Variants in ATP10A observed in about 807,000 individuals in gnomAD.
The protein encoded by ATP10A is ATPase phospholipid transporting 10A (putative).
Under a neutral mutation model 147.8 loss-of-function variants are expected in ATP10A, and 111 were observed. The observed-to-expected ratio is 0.75, with a 90% CI of 0.64 to 0.88. ATP10A has a LOEUF of 0.88. Ranked by LOEUF, ATP10A falls within the 40% of genes least tolerant of loss-of-function variation. The pLI, the probability that ATP10A is intolerant of heterozygous loss-of-function variation, is 0.00. For synonymous variants in ATP10A, 875 were observed against 841.6 expected (o/e 1.04, Z -0.69); for missense variants, 1,927 against 1,959.0 (o/e 0.98, Z 0.31).
intron 1 of ATP10A, among the ~76,000 whole-genome samples, chr15:25,818,076 T>C (rs1891739868): frequency 6.7e-6 from 1 of 149,366 alleles, no homozygotes; most frequent in African/African-American, 2.5e-5. Flanking sequence ...TTTTAAAAAA[T>C]TATTTTTAAA....
At chr15:25,852,454 A>G (rs1043469922) in intron 1 of ATP10A, among the ~76,000 whole-genome samples, 3 of 152,072 alleles carry the variant, frequency 2.0e-5, no homozygotes, top group African/African-American at 7.2e-5. Flanking sequence ...ATCGCAAAAT[A>G]TGGCACTTTG....
At chr15:25,786,792 G>GTTTTTTT (rs60057456) in intron 1 of ATP10A, among the ~76,000 whole-genome samples, 4 of 135,298 alleles carry the variant, frequency 3.0e-5, no homozygotes, top group African/African-American at 2.7e-5. Flanking sequence ...TGCCCAGCTA[G>GTTTTTTT]TTTTTTTTTT....
At chr15:25,719,749 A>G (rs1278681449) in intron 7 of ATP10A, among the ~76,000 whole-genome samples, 2 of 152,126 alleles carry the variant, frequency 1.3e-5, no homozygotes, top group Non-Finnish European at 2.9e-5. Context: ...AGGAGCAGGT[A>G]ATGCCCCCTC....
At chr15:25,704,872 G>A (rs1400772709) in intron 12 of ATP10A, among the ~76,000 whole-genome samples, 2 of 152,172 alleles carry the variant, frequency 1.3e-5, no homozygotes, top group Non-Finnish European at 2.9e-5. Flanking sequence ...TGGCATTTCT[G>A]AGTATCATAA....
At chr15:25,861,589 C>A (rs974094527) in intron 1 of ATP10A, among the ~76,000 whole-genome samples, 7 of 152,174 alleles carry the variant, frequency 4.6e-5, no homozygotes, top group Admixed American at 1.3e-4. Context: ...GCCACTCTGA[C>A]CCTCCTCTTT....
intron 1 of ATP10A, among the ~76,000 whole-genome samples, chr15:25,799,675 G>C (rs191616599): frequency 3.7e-4 from 57 of 152,246 alleles, no homozygotes; most frequent in African/African-American, 1.3e-3. Context: ...CGCGGCTGCA[G>C]TGAGCTGTGA....
chr15:25,703,357 GAAAT>G (rs558158099), intron 12 of ATP10A, among the ~76,000 whole-genome samples: 7 of 152,070 alleles, frequency 4.6e-5, no homozygotes, highest in Non-Finnish European at 1.0e-4. Context: ...TCTGTCTCAA[GAAAT>G]AAATAAATAA....
chr15:25,718,720 T>G (rs2014069), intron 7 of ATP10A, among the ~76,000 whole-genome samples: 125,377 of 151,984 alleles, frequency 0.82, 52,278 homozygotes, highest in East Asian at 1. Flanking sequence ...TAGGTGTACA[T>G]GGGGTAGGGT....
At chr15:25,828,047 T>C (rs1313357903) in intron 1 of ATP10A, among the ~76,000 whole-genome samples, 1 of 151,874 alleles carries the variant, frequency 6.6e-6, no homozygotes, top group Non-Finnish European at 1.5e-5. Context: ...AAAATGATAG[T>C]ACAAATCAAG....
chr15:25,746,054 T>C (rs1887830753), intron 2 of ATP10A, among the ~76,000 whole-genome samples: 1 of 152,030 alleles, frequency 6.6e-6, no homozygotes. Context: ...TCAAGAAAAA[T>C]ATTTTAATGA....
intron 1 of ATP10A, among the ~76,000 whole-genome samples, chr15:25,796,677 G>A (rs777027942): frequency 1.3e-5 from 2 of 152,148 alleles, no homozygotes; most frequent in African/African-American, 2.4e-5. Context: ...GGCAGACATC[G>A]TCAGAGCCAC....
intron 2 of ATP10A, among the ~76,000 whole-genome samples, chr15:25,759,522 T>C (rs1038475261): frequency 6.6e-6 from 1 of 152,166 alleles, no homozygotes; most frequent in African/African-American, 2.4e-5. Context: ...TAGAAAACTG[T>C]GGGCCAGGTG....
chr15:25,862,818 G>A lies in ATP10A; in HGVS notation c.279C>T (p.Phe93=), dbSNP rs769924400. Residue 93 remains phenylalanine (F), a synonymous_variant, in exon 1 of 21, where the codon TTC becomes TTT. Coordinates refer to ENST00000555815, the MANE Select transcript of ATP10A (RefSeq NM_024490.4). ...FHRPANVYFV[F]IALLNFVPAV... ...CCGGCACGAAGTTGAGCAGCGCGAT[G>A]AAGACAAAGTACACGTTGGCCGGGC... 2 of 1,610,222 alleles carry A rather than the reference G, an allele frequency of 1.2e-6. No homozygotes were observed. Among genetic ancestry groups the A allele is most frequent in the South Asian group, 2.2e-5 (2 of 90,362 alleles).
At chr15:25,730,136 CAAA>C (rs765379278) in intron 3 of ATP10A, among the ~76,000 whole-genome samples, 81 of 100,782 alleles carry the variant, frequency 8.0e-4, no homozygotes, top group South Asian at 5.1e-3. Flanking sequence ...ACTAAAAATA[CAAA>C]AAAAAAAAAA....
At chr15:25,846,472 G>A (rs1410823738) in intron 1 of ATP10A, among the ~76,000 whole-genome samples, 1 of 152,162 alleles carries the variant, frequency 6.6e-6, no homozygotes, top group Non-Finnish European at 1.5e-5. Flanking sequence ...CCAGGAAGTG[G>A]AGGAGTCAGA....
intron 6 of ATP10A, 116 bp from the exon 7 acceptor site, chr15:25,722,025 G>A: frequency 8.7e-7 from 1 of 1,147,290 alleles, no homozygotes; most frequent in Non-Finnish European, 1.2e-6. Flanking sequence ...GGACTATACT[G>A]TACCTTTAAG....
intron 1 of ATP10A, among the ~76,000 whole-genome samples, chr15:25,858,152 C>T (rs908255097): frequency 9.9e-5 from 15 of 152,086 alleles, no homozygotes; most frequent in Admixed American, 8.5e-4. Context: ...AATAATATTC[C>T]GCAAGCGTCC....
intron 2 of ATP10A, among the ~76,000 whole-genome samples, chr15:25,779,222 G>A (rs959623912): frequency 2.6e-5 from 4 of 152,164 alleles, no homozygotes; most frequent in South Asian, 2.1e-4. Context: ...TATCTGCGGC[G>A]TTCCCCTACC....
At chr15:25,813,500 A>C (rs1030865934) in intron 1 of ATP10A, among the ~76,000 whole-genome samples, 2 of 152,236 alleles carry the variant, frequency 1.3e-5, no homozygotes, top group African/African-American at 4.8e-5. Context: ...TCCAGTGAAA[A>C]AAAGCAGGCA....
Sources: allele counts gnomAD v4.1 joint callset (sites outside exome capture counted in the v4.1 genomes callset), GRCh38; gene constraint gnomAD v4.1.1; transcripts MANE v1.5; gene names NCBI Gene and HGNC (gene_info 2026-07-23, HGNC 2026-07-21).